The following SELENOF variants were observed in gnomAD, a reference collection of about 807,000 sequenced individuals.
The protein encoded by SELENOF is selenoprotein F, also known as 15 kDa selenoprotein.
Under a neutral mutation model 20.5 loss-of-function variants are expected in SELENOF, and 16 were observed. That is an observed-to-expected ratio of 0.78 (90% CI 0.53 to 1.19). SELENOF has a LOEUF of 1.19. SELENOF is among the 50% of genes most tolerant of loss of function. The pLI is 0.00. For synonymous variants in SELENOF, 78 were observed against 74.5 expected (o/e 1.05, Z -0.24); for missense variants, 215 against 194.2 (o/e 1.11, Z -0.64).
chr1:86,880,276 T>C (rs1659032563), intron 3 of SELENOF, among the ~76,000 whole-genome samples: 1 of 151,972 alleles, frequency 6.6e-6, no homozygotes, highest in African/African-American at 2.4e-5. Flanking sequence ...GCTGGGATTA[T>C]AGGCACCCGC....
intron 3 of SELENOF, among the ~76,000 whole-genome samples, chr1:86,875,483 C>CA (rs1428942739): frequency 6.6e-6 from 1 of 152,066 alleles, no homozygotes; most frequent in Non-Finnish European, 1.5e-5. Flanking sequence ...GGGCATATAA[C>CA]AAATGGAAAC....
intron 2 of SELENOF, among the ~76,000 whole-genome samples, chr1:86,887,675 G>A (rs1437328801): frequency 2.6e-5 from 4 of 152,134 alleles, no homozygotes; most frequent in Non-Finnish European, 5.9e-5. Context: ...TCAATACTGT[G>A]ATGACAAACA....
chr1:86,905,286 T>C (rs1659800459), intron 1 of SELENOF, among the ~76,000 whole-genome samples: 2 of 152,172 alleles, frequency 1.3e-5, no homozygotes, highest in Admixed American at 1.3e-4. Context: ...TCTCATTACT[T>C]CCTCAATTCC....
intron 2 of SELENOF, among the ~76,000 whole-genome samples, chr1:86,891,362 T>C (rs1659380260): frequency 6.6e-6 from 1 of 152,168 alleles, no homozygotes; most frequent in Non-Finnish European, 1.5e-5. Context: ...ATGCCTATTT[T>C]TTCTACTCCT....
Position 86,900,626 on chromosome 1 carries a change from G to A in SELENOF, c.252+2655C>T, listed in dbSNP as rs540653175. Among the ~76,000 whole-genome samples, 3 of 151,960 alleles carry A rather than the reference G, an allele frequency of 2.0e-5. No homozygotes were observed. The East Asian group carries it at 5.8e-4, about 30-fold the overall frequency. ...TGGGGAGAGGGAGACCGTGGGGAGG[G>A]GGAGAGGGAGACCGTGGGGAAAGGG... On this transcript the variant is annotated intron_variant, in intron 2 of 4. Coordinates refer to ENST00000331835, the MANE Select transcript of SELENOF (RefSeq NM_004261.5).
chr1:86,904,621 C>T (rs934108577), intron 1 of SELENOF, among the ~76,000 whole-genome samples: 4 of 152,202 alleles, frequency 2.6e-5, no homozygotes, highest in Admixed American at 6.5e-5. Context: ...GCTCTTCCCA[C>T]GTTCTGTCAT....
At chr1:86,909,760 C>A (rs906663446) in intron 1 of SELENOF, among the ~76,000 whole-genome samples, 1 of 152,048 alleles carries the variant, frequency 6.6e-6, no homozygotes, top group African/African-American at 2.4e-5. Flanking sequence ...AATCCCAGCA[C>A]CTTGGGAGGC....
intron 2 of SELENOF, among the ~76,000 whole-genome samples, chr1:86,883,328 C>A: frequency 6.6e-6 from 1 of 152,178 alleles, no homozygotes; most frequent in Admixed American, 6.5e-5. Flanking sequence ...GTGTAAGTTT[C>A]AGTTTGGGAA....
intron 2 of SELENOF, among the ~76,000 whole-genome samples, chr1:86,899,953 C>T (rs1331344681): frequency 6.7e-6 from 1 of 149,836 alleles, no homozygotes; most frequent in Non-Finnish European, 1.5e-5. Context: ...CCACACGGGG[C>T]GGCGGGGCAA....
intron 2 of SELENOF, among the ~76,000 whole-genome samples, chr1:86,899,342 T>C (rs919957072): frequency 7.3e-6 from 1 of 136,630 alleles, no homozygotes; most frequent in Admixed American, 7.0e-5. Flanking sequence ...GAGGGGCTCC[T>C]CACTTCCCAG....
Position 86,903,389 on chromosome 1 carries a change from G to C in SELENOF, c.144C>G (p.Ser48Arg). ...SEACRELGFS[S>R]NLLCSSCDLL... ...GATCACAAGAGCTGCAAAGCAAGTT[G>C]CTAGAAAAGCCTAACTCTCTGCATG... The change falls in exon 2 of 5, where the codon AGC becomes AGG. Residue 48 changes from serine to arginine, a missense_variant. Ser to Arg is a moderately radical substitution (Grantham distance 110, BLOSUM62 -1). Transcript: ENST00000331835. The C allele has an allele frequency of 6.2e-7, 1 of 1,611,842 alleles. No individual in the cohort carries two copies. Among genetic ancestry groups the C allele is most frequent in the East Asian group, 2.2e-5 (1 of 44,848 alleles).
chr1:86,898,965 G>A (rs1659599522), intron 2 of SELENOF, among the ~76,000 whole-genome samples: 1 of 151,774 alleles, frequency 6.6e-6, no homozygotes, highest in African/African-American at 2.4e-5. Context: ...GGGTACTTGA[G>A]ATTAGGGAGT....
intron 2 of SELENOF, among the ~76,000 whole-genome samples, chr1:86,893,055 A>T (rs1373705240): frequency 6.6e-6 from 1 of 152,200 alleles, no homozygotes; most frequent in African/African-American, 2.4e-5. Flanking sequence ...ACCTGAGATA[A>T]AACCAGGTTT....
At chr1:86,872,722 G>C (rs1484187831) in intron 3 of SELENOF, among the ~76,000 whole-genome samples, 2 of 152,026 alleles carry the variant, frequency 1.3e-5, no homozygotes, top group East Asian at 3.9e-4. Flanking sequence ...GGCCAACATG[G>C]TGGAAACCCC....
rs139344313 is a variant in SELENOF at position 86,913,818 on chromosome 1, G to C, written c.84+210C>G. Reference sequence around the variant, plus strand: ...AGAAGCTACGTACCCAAGACAATCTGAAATCAAGAGAAAACTGCTGCTAGA... The same window carrying C: ...AGAAGCTACGTACCCAAGACAATCTCAAATCAAGAGAAAACTGCTGCTAGA... On this transcript the variant is annotated intron_variant, in intron 1 of 4. Coordinates refer to ENST00000331835, the MANE Select transcript of SELENOF (RefSeq NM_004261.5). The C allele has an allele frequency of 2.4e-4, 143 of 589,240 alleles. No homozygotes were observed. The East Asian group carries it at 3.6e-3, about 15-fold the overall frequency. 36.5% of individuals were successfully genotyped at this position (589,240 alleles called of 1,614,324 possible).
chr1:86,866,195 CA>C (rs762072945), intron 4 of SELENOF, among the ~76,000 whole-genome samples: 294 of 27,646 alleles, frequency 0.011, no homozygotes, highest in South Asian at 0.028. Flanking sequence ...AGACCATGTC[CA>C]AAAAAAAAAA....
chr1:86,891,563 A>G (rs2102105433), intron 2 of SELENOF, among the ~76,000 whole-genome samples: 1 of 152,324 alleles, frequency 6.6e-6, no homozygotes, highest in Non-Finnish European at 1.5e-5. Context: ...AAGTTGTAAT[A>G]TGTTTAGATA....
intron 3 of SELENOF, among the ~76,000 whole-genome samples, chr1:86,873,468 C>T (rs1255437829): frequency 6.6e-6 from 1 of 152,172 alleles, no homozygotes; most frequent in Non-Finnish European, 1.5e-5. Flanking sequence ...AGGAAATATT[C>T]TTCATCTGTT....
chr1:86,879,358 ATCT>A (rs1024556696), intron 3 of SELENOF, among the ~76,000 whole-genome samples: 1 of 152,204 alleles, frequency 6.6e-6, no homozygotes, highest in Non-Finnish European at 1.5e-5. Flanking sequence ...AAAAGTAAAT[ATCT>A]TCTTTGCTAC....
Sources: gnomAD v4.1 joint callset for allele counts (sites outside exome capture counted in the v4.1 genomes callset) on GRCh38, gnomAD v4.1.1 for gene constraint, MANE v1.5 for transcripts, NCBI Gene and HGNC (gene_info 2026-07-23, HGNC 2026-07-21) for gene names.